The following DGKH variants were observed in gnomAD, a reference collection of about 807,000 sequenced individuals.
DGKH encodes the protein DAG kinase eta.
Under a neutral mutation model 159.3 loss-of-function variants are expected in DGKH, and 90 were observed. The observed-to-expected ratio is 0.57, with a 90% confidence interval of 0.48 to 0.67. The LOEUF (loss-of-function observed/expected upper bound fraction) is 0.67. Ranked by LOEUF, DGKH falls within the 30% of genes least tolerant of loss-of-function variation. The pLI is 0.00. For missense variants in DGKH, 1,181 were observed against 1,506.1 expected (o/e 0.78, Z 3.57); for synonymous variants, 536 against 553.8 (o/e 0.97, Z 0.45).
chr13:42,180,190 C>T (rs1473754445), intron 13 of DGKH, among the ~76,000 whole-genome samples: 1 of 152,228 alleles, frequency 6.6e-6, no homozygotes, highest in Admixed American at 6.5e-5. Context: ...AAGGGCCAGC[C>T]CATCACTTAG....
rs956440688 is a variant in DGKH, at chr13:42,242,588, T to C, written c.*13400T>C. On this transcript the variant is annotated 3_prime_UTR_variant, in exon 30 of 30. Transcript: ENST00000337343. Reference sequence around the variant, plus strand: ...TACAATTGAGATATTTATTGCCTACTATTTTAAAGATGTTTTATGTGTTTT... The same window carrying C: ...TACAATTGAGATATTTATTGCCTACCATTTTAAAGATGTTTTATGTGTTTT... 6.6e-6 allele frequency: 1 copy of C among 152,266 alleles called. No homozygotes were observed. Among genetic ancestry groups the C allele is most frequent in the Non-Finnish European group, 1.5e-5 (1 of 68,046 alleles). 9.4% of individuals were successfully genotyped at this position (152,266 alleles called of 1,614,324 possible).
intron 1 of DGKH, among the ~76,000 whole-genome samples, chr13:42,109,653 TGTGCGTGC>T (rs1954823396): frequency 1.3e-5 from 1 of 76,484 alleles, no homozygotes; most frequent in Non-Finnish European, 2.5e-5. Flanking sequence ...CGTGCGTGCC[TGTGCGTGC>T]GTGTGTGTGC....
intron 3 of DGKH, among the ~76,000 whole-genome samples, chr13:42,143,878 G>GT (rs1464176246): frequency 3.3e-5 from 5 of 151,986 alleles, no homozygotes; most frequent in Non-Finnish European, 7.4e-5. Flanking sequence ...TTTTTGAAGG[G>GT]TTTTTTGTGT....
chr13:42,188,541 G>A (rs958644147), intron 14 of DGKH, among the ~76,000 whole-genome samples: 2 of 152,178 alleles, frequency 1.3e-5, no homozygotes, highest in Admixed American at 1.3e-4. Context: ...TCAAAATGGT[G>A]CATTAAGTCA....
intron 3 of DGKH, among the ~76,000 whole-genome samples, chr13:42,135,488 T>TAA (rs1435781710): frequency 2.4e-5 from 1 of 42,110 alleles, no homozygotes; most frequent in Non-Finnish European, 6.0e-5. Context: ...AGACCCTGTC[T>TAA]CAGAAAAAAA....
chr13:42,162,180 A>T (rs1442351932), intron 7 of DGKH, among the ~76,000 whole-genome samples: 2 of 152,152 alleles, frequency 1.3e-5, no homozygotes, highest in Non-Finnish European at 2.9e-5. Context: ...TCCTATACAC[A>T]ACCATTTGCC....
At chr13:42,179,020 G>C (rs2138061960) in intron 13 of DGKH, among the ~76,000 whole-genome samples, 1 of 152,246 alleles carries the variant, frequency 6.6e-6, no homozygotes, top group Non-Finnish European at 1.5e-5. Flanking sequence ...GTAAAGTTGA[G>C]GAAAGACAAG....
chr13:42,250,950 G>C (rs899798565), intron 29 of DGKH, among the ~76,000 whole-genome samples: 11 of 152,178 alleles, frequency 7.2e-5, no homozygotes, highest in Non-Finnish European at 1.0e-4. Flanking sequence ...ATTTGAAAGT[G>C]ATTACAGCAT....
At position 42,214,495 on chromosome 13, in the gene DGKH, T is replaced by G; in HGVS notation, c.3015-12T>G. On this transcript the variant is annotated splice_polypyrimidine_tract_variant and intron_variant, in intron 24 of 29. Coordinates refer to ENST00000337343, the MANE Select transcript of DGKH (RefSeq NM_178009.5). ...AAAGTTTTTTATTCATTTGTTTCATTTTTGCTTTTAGGATATGTGACGCAG... is the reference window on the plus strand; with the variant it reads ...AAAGTTTTTTATTCATTTGTTTCATGTTTGCTTTTAGGATATGTGACGCAG... 1 of 1,601,622 alleles carries G rather than the reference T, an allele frequency of 6.2e-7. No homozygotes were observed. The highest frequency in any genetic ancestry group is 8.5e-7 in the Non-Finnish European group (1 of 1,176,538).
intron 1 of DGKH, among the ~76,000 whole-genome samples, chr13:42,097,739 G>C (rs376322596): frequency 2.0e-5 from 3 of 152,202 alleles, no homozygotes; most frequent in Non-Finnish European, 2.9e-5. Context: ...ATTCCTGGGT[G>C]GGGGAGGCAG....
intron 29 of DGKH, among the ~76,000 whole-genome samples, chr13:42,249,398 G>A (rs746718828): frequency 6.6e-6 from 1 of 152,168 alleles, no homozygotes; most frequent in Non-Finnish European, 1.5e-5. Context: ...GCACCAGAGC[G>A]AGACTCTGTC....
intron 17 of DGKH, 64 bp from the exon 18 acceptor site, chr13:42,198,414 G>A (rs1463927735): frequency 2.8e-6 from 4 of 1,418,898 alleles, no homozygotes; most frequent in Non-Finnish European, 3.9e-6. Context: ...AGGCCTGGAT[G>A]GACTGGTTCT....
intron 3 of DGKH, among the ~76,000 whole-genome samples, chr13:42,145,951 C>T (rs1955717528): frequency 6.6e-6 from 1 of 152,092 alleles, no homozygotes; most frequent in Non-Finnish European, 1.5e-5. Flanking sequence ...GGTCTGGTTT[C>T]TGCACAAATT....
chr13:42,216,936 A>G (rs1236657843), intron 26 of DGKH, among the ~76,000 whole-genome samples: 1 of 152,132 alleles, frequency 6.6e-6, no homozygotes, highest in Non-Finnish European at 1.5e-5. Flanking sequence ...TTTTCTCTAC[A>G]CGAAAAGTAC....
At chr13:42,192,109 A>G (rs955021881) in intron 16 of DGKH, among the ~76,000 whole-genome samples, 2 of 152,114 alleles carry the variant, frequency 1.3e-5, no homozygotes, top group Admixed American at 6.6e-5. Flanking sequence ...TGTTATTTTT[A>G]TTGCTACTAC....
chr13:42,147,511 G>C (rs1166230363), intron 3 of DGKH, among the ~76,000 whole-genome samples: 1 of 152,076 alleles, frequency 6.6e-6, no homozygotes, highest in Admixed American at 6.6e-5. Context: ...ATTTTGTTTT[G>C]AAATTTCCCA....
intron 1 of DGKH, among the ~76,000 whole-genome samples, chr13:42,049,640 C>G (rs1410713404): frequency 6.6e-6 from 1 of 152,190 alleles, no homozygotes; most frequent in Non-Finnish European, 1.5e-5. Context: ...GCCAGGCTTT[C>G]GTGTCGCAGG....
intron 13 of DGKH, chr13:42,181,698 A>G: frequency 2.0e-6 from 1 of 495,430 alleles, no homozygotes; most frequent in Non-Finnish European, 3.7e-6. Flanking sequence ...TAGTTGACCC[A>G]GTATATGCCC....
At chr13:42,121,202 C>A (rs1001989190) in intron 1 of DGKH, among the ~76,000 whole-genome samples, 1 of 152,030 alleles carries the variant, frequency 6.6e-6, no homozygotes, top group African/African-American at 2.4e-5. Flanking sequence ...CAGTACAAAA[C>A]GTACTTTGAG....
Sources: allele counts gnomAD v4.1 joint callset (sites outside exome capture counted in the v4.1 genomes callset), GRCh38; gene constraint gnomAD v4.1.1; transcripts MANE v1.5; gene names NCBI Gene and HGNC (gene_info 2026-07-23, HGNC 2026-07-21).